HAAO: variants seen among roughly 807,000 people sequenced by gnomAD.
The protein encoded by HAAO is 3-hydroxyanthranilate 3,4-dioxygenase, also known as 3-hydroxyanthranilate oxygenase.
Under a neutral mutation model 46.2 loss-of-function variants are expected in HAAO, and 49 were observed. That is an observed-to-expected ratio of 1.06 (90% CI 0.84 to 1.34). HAAO has a LOEUF of 1.34. Ranked by LOEUF, HAAO falls within the 40% of genes most tolerant of loss-of-function variation. The probability of loss-of-function intolerance (pLI) is 0.00; values close to 1 mark genes in which losing one functional copy is unlikely to be tolerated. For synonymous variants in HAAO, 157 were observed against 145.2 expected, an observed-to-expected ratio of 1.08 and a Z score of -0.58; for missense variants, 408 against 364.5, an observed-to-expected ratio of 1.12 and a Z score of -0.97.
intron 4 of HAAO, among the ~76,000 whole-genome samples, chr2:42,781,572 G>C (rs1558669948): frequency 1.3e-5 from 2 of 152,178 alleles, no homozygotes; most frequent in African/African-American, 4.8e-5. Flanking sequence ...AAAAGCCTAT[G>C]TAAAAAATAA....
rs772756448 is a variant in HAAO at position 42,769,676 on chromosome 2, G to C, written c.630+37C>G. 3.2e-6 allele frequency: 5 copies of C among 1,569,192 alleles called. No individual in the cohort carries two copies. The South Asian group carries it at 3.6e-5, about 11-fold the overall frequency. On this transcript the variant is annotated intron_variant, in intron 7 of 9. Coordinates refer to ENST00000294973, the MANE Select transcript of HAAO (RefSeq NM_012205.3). ...CTGGTTCCCATTTTCCAGGGCTGCT[G>C]TGGGAGGATGCCCCGGATGCCCCAG...
Position 42,767,398 on chromosome 2 carries a change from T to G in HAAO, c.*39A>C. ...TGGCAGGGATGGCACTCGAGGGTGCTTGGCACACCTGTGGCTGCTTCAGGC... is the reference window on the plus strand; with the variant it reads ...TGGCAGGGATGGCACTCGAGGGTGCGTGGCACACCTGTGGCTGCTTCAGGC... On this transcript the variant is annotated 3_prime_UTR_variant, in exon 10 of 10. Transcript: ENST00000294973. The G allele has an allele frequency of 1.4e-6, 2 of 1,471,280 alleles. No individual in the cohort carries two copies. The highest frequency in any genetic ancestry group is 1.9e-6 in the Non-Finnish European group (2 of 1,054,574). 91.1% of individuals were successfully genotyped at this position (1,471,280 alleles called of 1,614,324 possible). A position where few individuals can be genotyped will look rare whatever the true frequency, so the allele number is the denominator to read the frequency against.
intron 1 of HAAO, among the ~76,000 whole-genome samples, chr2:42,790,360 G>T (rs1277537512): frequency 6.6e-6 from 1 of 151,762 alleles, no homozygotes; most frequent in East Asian, 1.9e-4. Context: ...GAGGGAAGCC[G>T]CAAGGAACTT....
At position 42,788,581 on chromosome 2, in the gene HAAO, A is replaced by G; in HGVS notation, c.107T>C (p.Phe36Ser). 6.3e-7 allele frequency: 1 copy of G among 1,598,814 alleles called. No homozygotes were observed. The highest frequency in any genetic ancestry group is 1.1e-5 in the South Asian group (1 of 90,618). Residue 36 changes from phenylalanine (F) to serine (S), a missense_variant, in exon 2 of 10, where the codon TTC becomes TCC. Phe to Ser is a radical substitution (Grantham distance 155, BLOSUM62 -2). Coordinates refer to ENST00000294973, the MANE Select transcript of HAAO (RefSeq NM_012205.3). ...LMHQEQLKVMFIGGPNTRKDY... is the reference protein window; with the variant it reads ...LMHQEQLKVMSIGGPNTRKDY... ...CTTCCTGGTGTTGGGGCCTCCGATG[A>G]ACATGACTTTGAGCTGCTCCTGGTG... is the stretch of plus-strand genomic sequence containing the variant.
chr2:42,791,920 TGTG>T (rs1464129074), intron 1 of HAAO, among the ~76,000 whole-genome samples: 195 of 48,722 alleles, frequency 4.0e-3, no homozygotes, highest in African/African-American at 0.018. Context: ...GAGGGTCTGG[TGTG>T]GTGTGTGTGT....
chr2:42,770,049 T>C, intron 6 of HAAO, 94 bp downstream of exon 6: 2 of 1,255,246 alleles, frequency 1.6e-6, no homozygotes, highest in Non-Finnish European at 2.3e-6. Flanking sequence ...GGGCAGAGTA[T>C]TCAAAAAGAG....
intron 4 of HAAO, among the ~76,000 whole-genome samples, chr2:42,780,580 C>T (rs1330887888): frequency 6.6e-6 from 1 of 151,958 alleles, no homozygotes; most frequent in East Asian, 1.9e-4. Flanking sequence ...GAAAAACTTT[C>T]AGGACTCTCA....
chr2:42,783,709 C>A, intron 3 of HAAO, 75 bp downstream of exon 3: 1 of 1,294,700 alleles, frequency 7.7e-7, no homozygotes, highest in Non-Finnish European at 1.1e-6. Context: ...TCAGCCAGGG[C>A]CAGGATGAGT....
chr2:42,780,384 T>C (rs1671897934), intron 4 of HAAO, among the ~76,000 whole-genome samples: 1 of 151,916 alleles, frequency 6.6e-6, no homozygotes, highest in Non-Finnish European at 1.5e-5. Context: ...ATTTTTGTAC[T>C]TTTAGTAGAG....
chr2:42,770,028 C>T, intron 6 of HAAO, 115 bp downstream of exon 6: 3 of 1,136,938 alleles, frequency 2.6e-6, no homozygotes, highest in Admixed American at 2.1e-5. Flanking sequence ...CTTCTTAGTA[C>T]CTTGAGGACT....
At chr2:42,787,425 A>G (rs1427760572) in intron 2 of HAAO, among the ~76,000 whole-genome samples, 1 of 152,066 alleles carries the variant, frequency 6.6e-6, no homozygotes, top group Non-Finnish European at 1.5e-5. Flanking sequence ...CCTCCTCAGT[A>G]TAGTTTTAGA....
At chr2:42,771,398 G>A (rs1442338682) in intron 4 of HAAO, among the ~76,000 whole-genome samples, 1 of 150,582 alleles carries the variant, frequency 6.6e-6, no homozygotes, top group African/African-American at 2.4e-5. Context: ...CCGCATTCCA[G>A]CCTGGGTGAC....
Position 42,767,895 on chromosome 2 carries a change from G to A in HAAO, c.664C>T (p.Leu222=). 1 of 1,614,020 alleles carries A rather than the reference G, an allele frequency of 6.2e-7. No individual in the cohort carries two copies. Among genetic ancestry groups the A allele is most frequent in the Admixed American group, 1.7e-5 (1 of 60,020 alleles). The change falls in exon 8 of 10, where the codon CTG becomes TTG. Residue 222 remains leucine (L), a synonymous_variant. Transcript: ENST00000294973. Reference sequence around the variant, plus strand: ...AGCCACACGTCCACATTCTGTCTCAGGCCTTCGCTGCTGCCTTGCCCATAG... The same window carrying A: ...AGCCACACGTCCACATTCTGTCTCAAGCCTTCGCTGCTGCCTTGCCCATAG... The part of the protein sequence containing the change: ...IAYGQGSSEG[L]RQNVDVWLWQ...
intron 4 of HAAO, chr2:42,783,070 A>AAAGTTCATCAGGCT (rs1268419966): frequency 1.8e-6 from 1 of 555,612 alleles, no homozygotes; most frequent in Non-Finnish European, 3.2e-6. Flanking sequence ...GATTCCAGCC[A>AAAGTTCATCAGGCT]AAGTTCATCA....
chr2:42,772,947 A>C (rs868117545), intron 4 of HAAO, among the ~76,000 whole-genome samples: 8 of 151,922 alleles, frequency 5.3e-5, no homozygotes, highest in African/African-American at 1.7e-4. Context: ...AAAAAAAAAA[A>C]AAAAAAACCC....
chr2:42,786,519 G>C (rs540017623), intron 2 of HAAO, among the ~76,000 whole-genome samples: 1 of 152,232 alleles, frequency 6.6e-6, no homozygotes, highest in African/African-American at 2.4e-5. Context: ...GCACCAGGCT[G>C]TGTGCACATA....
chr2:42,781,857 A>T (rs1299421133), intron 4 of HAAO, among the ~76,000 whole-genome samples: 1 of 151,168 alleles, frequency 6.6e-6, no homozygotes, highest in Non-Finnish European at 1.5e-5. Context: ...CTGGGCAACA[A>T]GAGTGAAACT....
intron 1 of HAAO, among the ~76,000 whole-genome samples, chr2:42,790,519 A>G: frequency 1.1e-5 from 1 of 94,010 alleles, no homozygotes. Context: ...GTGCTGGGGA[A>G]CCTGGAAAGT....
intron 4 of HAAO, among the ~76,000 whole-genome samples, chr2:42,775,948 C>T (rs542707809): frequency 7.7e-5 from 11 of 142,670 alleles, no homozygotes; most frequent in South Asian, 4.4e-4. Flanking sequence ...GTGGTTTTAT[C>T]GCTTCTGGGC....
Sources: allele counts gnomAD v4.1 joint callset (sites outside exome capture counted in the v4.1 genomes callset), GRCh38; gene constraint gnomAD v4.1.1; transcripts MANE v1.5; gene names NCBI Gene and HGNC (gene_info 2026-07-23, HGNC 2026-07-21).